Variants in ZNF678 observed in about 807,000 individuals in gnomAD.
ZNF678 encodes the protein hypothetical protein MGC42493.
In ZNF678, 5 loss-of-function variants were observed where a neutral mutation model predicts 3.0. That is an observed-to-expected ratio of 1.69 (90% CI 0.88 to 3.56). The LOEUF (loss-of-function observed/expected upper bound fraction) is 3.56. Ranked by LOEUF, ZNF678 falls within the 30% of genes most tolerant of loss-of-function variation. The pLI is 0.00. For synonymous variants in ZNF678, 218 were observed against 199.6 expected (o/e 1.09, Z -0.78); for missense variants, 593 against 605.0 (o/e 0.98, Z 0.21).
At position 227,654,946 on chromosome 1, in the gene ZNF678, T is replaced by C; in HGVS notation, c.696T>C (p.Thr232=). ...SNLTQHKRIH[T]GEKPYKCKEC... is the part of the protein sequence containing the mutation. ...TTACACAACATAAGAGAATTCATAC[T>C]GGAGAGAAACCCTACAAATGCAAAG... is the stretch of plus-strand genomic sequence containing the variant. Residue 232 remains threonine, a synonymous_variant, in exon 4 of 4, where the codon ACT becomes ACC. Coordinates refer to ENST00000343776, the MANE Select transcript of ZNF678 (RefSeq NM_001367909.1). 6.2e-7 allele frequency: 1 copy of C among 1,612,678 alleles called. No homozygotes were observed. Among genetic ancestry groups the C allele is most frequent in the Non-Finnish European group, 8.5e-7 (1 of 1,179,468 alleles).
At chr1:227,587,558 A>G (rs894200622) in intron 1 of ZNF678, among the ~76,000 whole-genome samples, 63 of 152,168 alleles carry the variant, frequency 4.1e-4, no homozygotes, top group African/African-American at 1.5e-3. Flanking sequence ...TGGTGTGTCA[A>G]GAACATTTTG....
chr1:227,597,353 A>G (rs1197128220), intron 1 of ZNF678, among the ~76,000 whole-genome samples: 2 of 152,260 alleles, frequency 1.3e-5, no homozygotes, highest in African/African-American at 4.8e-5. Context: ...CGTGGGCGTC[A>G]TAGCCATCAC....
At chr1:227,609,151 A>T (rs1246396486) in intron 1 of ZNF678, among the ~76,000 whole-genome samples, 1 of 152,184 alleles carries the variant, frequency 6.6e-6, no homozygotes, top group East Asian at 1.9e-4. Flanking sequence ...TATAAGCCAT[A>T]CTTGGAAAAG....
chr1:227,587,704 A>G (rs1267945161), intron 1 of ZNF678, among the ~76,000 whole-genome samples: 1 of 152,164 alleles, frequency 6.6e-6, no homozygotes, highest in Admixed American at 6.5e-5. Context: ...GATGCAGCCA[A>G]AGATGTTAGG....
intron 5 of ZNF678, among the ~76,000 whole-genome samples, chr1:227,675,499 C>T (rs764474910): frequency 6.6e-6 from 1 of 152,220 alleles, no homozygotes; most frequent in Middle Eastern, 3.4e-3. Flanking sequence ...CCAAAATGAA[C>T]TATTTCTAAA....
At chr1:227,601,771 G>A (rs1366891073) in intron 1 of ZNF678, among the ~76,000 whole-genome samples, 1 of 151,966 alleles carries the variant, frequency 6.6e-6, no homozygotes. Context: ...CACCATGTTG[G>A]TCAGGCTGGT....
chr1:227,577,813 G>GTGGT (rs1378059653), intron 1 of ZNF678, among the ~76,000 whole-genome samples: 1 of 152,140 alleles, frequency 6.6e-6, no homozygotes, highest in Non-Finnish European at 1.5e-5. Flanking sequence ...ACTTGTTCAT[G>GTGGT]TGGTTGCTTT....
chr1:227,653,416 G>A (rs1474985894), intron 3 of ZNF678, among the ~76,000 whole-genome samples: 1 of 151,802 alleles, frequency 6.6e-6, no homozygotes, highest in Non-Finnish European at 1.5e-5. Flanking sequence ...CACTTATTGA[G>A]CATCATTCAG....
chr1:227,598,811 A>G (rs1041464746), intron 1 of ZNF678: 63 of 564,570 alleles, frequency 1.1e-4, no homozygotes, highest in Non-Finnish European at 1.9e-4. Context: ...CACAATCAGA[A>G]GAACTGCTGG....
At position 227,641,863 on chromosome 1, in the gene ZNF678, A is replaced by G. The variant is rs529720489; in HGVS notation, c.-163-4681A>G. 5.3e-5 allele frequency among the ~76,000 whole-genome samples: 8 copies of G among 152,310 alleles called. No individual in the cohort carries two copies. The East Asian group carries it at 9.6e-4, about 18-fold the overall frequency. On this transcript the variant is annotated intron_variant, in intron 1 of 3. Coordinates refer to ENST00000343776, the MANE Select transcript of ZNF678 (RefSeq NM_001367909.1). ...AACTGAGTCAGAGATAGTGGGACCCAGAAACAACTGGGCTCACATCTGTGT... is the reference window on the plus strand; with the variant it reads ...AACTGAGTCAGAGATAGTGGGACCCGGAAACAACTGGGCTCACATCTGTGT...
intron 1 of ZNF678, among the ~76,000 whole-genome samples, chr1:227,592,102 C>A (rs1167932865): frequency 6.6e-6 from 1 of 152,124 alleles, no homozygotes; most frequent in Non-Finnish European, 1.5e-5. Context: ...TAAACTGAGT[C>A]CAATACCTCT....
chr1:227,639,955 A>C (rs1338030087), intron 1 of ZNF678, among the ~76,000 whole-genome samples: 1 of 152,206 alleles, frequency 6.6e-6, no homozygotes, highest in Admixed American at 6.5e-5. Flanking sequence ...TCAGTGAGGG[A>C]GAAGGGAACA....
At chr1:227,676,426 C>T (rs913400086) in intron 5 of ZNF678, among the ~76,000 whole-genome samples, 8 of 152,186 alleles carry the variant, frequency 5.3e-5, no homozygotes, top group Non-Finnish European at 8.8e-5. Context: ...AATAGCAGAA[C>T]TAGACTTCCA....
At chr1:227,602,971 T>G (rs1310073788) in intron 1 of ZNF678, among the ~76,000 whole-genome samples, 2 of 152,186 alleles carry the variant, frequency 1.3e-5, no homozygotes, top group Non-Finnish European at 2.9e-5. Flanking sequence ...GTAGCCACTG[T>G]GCCCCAGCCT....
chr1:227,658,376 T>G lies in ZNF678; in HGVS notation c.*2548T>G, dbSNP rs925278115. Reference sequence around the variant, plus strand: ...AGTAAATATTCTTGTTTAAGTCACTTTTTGGCTACAAGTAAGAGATTAGAA... The same window carrying G: ...AGTAAATATTCTTGTTTAAGTCACTGTTTGGCTACAAGTAAGAGATTAGAA... On this transcript the variant is annotated 3_prime_UTR_variant, in exon 4 of 4. Transcript: ENST00000343776. 1 of 152,004 alleles carries G rather than the reference T, an allele frequency of 6.6e-6. No individual in the cohort carries two copies. Among genetic ancestry groups the G allele is most frequent in the African/African-American group, 2.4e-5 (1 of 41,410 alleles). The allele number at this position is 152,004 out of a possible 1,614,324, so 9.4% of individuals were successfully genotyped here. A position where few individuals can be genotyped will look rare whatever the true frequency, so the allele number is the denominator to read the frequency against.
chr1:227,621,426 G>A (rs1291546752), intron 1 of ZNF678, among the ~76,000 whole-genome samples: 1 of 152,162 alleles, frequency 6.6e-6, no homozygotes, highest in East Asian at 1.9e-4. Context: ...GCAGTGAGTA[G>A]CTCTTTTGGA....
chr1:227,563,916 A>T (rs1242898259), intron 1 of ZNF678, among the ~76,000 whole-genome samples, 192 bp downstream of exon 1: 1 of 152,224 alleles, frequency 6.6e-6, no homozygotes, highest in Non-Finnish European at 1.5e-5. Context: ...CTGGGCGGCT[A>T]TGAAGCCGCA....
intron 1 of ZNF678, chr1:227,598,866 T>G: frequency 1.6e-6 from 1 of 639,122 alleles, no homozygotes; most frequent in Non-Finnish European, 2.9e-6. Context: ...CCTACCAAAT[T>G]TATTCTTTTC....
intron 1 of ZNF678, among the ~76,000 whole-genome samples, chr1:227,590,563 T>G (rs1349727278): frequency 2.6e-5 from 4 of 151,824 alleles, no homozygotes; most frequent in African/African-American, 9.7e-5. Flanking sequence ...GGAGGCCGTT[T>G]ATCATCTTTT....
Sources: allele counts gnomAD v4.1 joint callset (sites outside exome capture counted in the v4.1 genomes callset), GRCh38; gene constraint gnomAD v4.1.1; transcripts MANE v1.5; gene names NCBI Gene and HGNC (gene_info 2026-07-23, HGNC 2026-07-21).